The following ALCAM variants were observed in gnomAD, a reference collection of about 807,000 sequenced individuals.
The protein encoded by ALCAM is CD166 antigen.
ALCAM carries 30 observed loss-of-function variants against 70.9 expected under a neutral mutation model. That is an observed-to-expected ratio of 0.42 (90% CI 0.32 to 0.57). The LOEUF (loss-of-function observed/expected upper bound fraction) is 0.57. ALCAM is among the 20% of genes least tolerant of loss of function. ALCAM has a pLI of 0.11. For synonymous variants in ALCAM, 249 were observed against 242.5 expected, an observed-to-expected ratio of 1.03 and a Z score of -0.25; for missense variants, 591 against 695.1, an observed-to-expected ratio of 0.85 and a Z score of 1.68.
intron 3 of ALCAM, among the ~76,000 whole-genome samples, chr3:105,527,026 A>G: frequency 6.6e-6 from 1 of 152,172 alleles, no homozygotes; most frequent in East Asian, 1.9e-4. Context: ...TCTTTAATGC[A>G]GGTTTGCTTG....
chr3:105,417,989 G>A (rs1321456883), intron 1 of ALCAM, among the ~76,000 whole-genome samples: 2 of 151,494 alleles, frequency 1.3e-5, no homozygotes, highest in Admixed American at 1.3e-4. Flanking sequence ...TGATCTAAAG[G>A]TAAAAGTATC....
At chr3:105,458,266 A>C (rs1937560429) in intron 1 of ALCAM, among the ~76,000 whole-genome samples, 1 of 152,210 alleles carries the variant, frequency 6.6e-6, no homozygotes, top group Non-Finnish European at 1.5e-5. Context: ...ATGAATTTGA[A>C]GTTACTTTAA....
At chr3:105,541,996 C>T (rs1559827959) in intron 8 of ALCAM, among the ~76,000 whole-genome samples, 1 of 151,878 alleles carries the variant, frequency 6.6e-6, no homozygotes, top group Non-Finnish European at 1.5e-5. Context: ...GGTACATCTC[C>T]ATCTTCTTTC....
chr3:105,525,166 C>T (rs1452776677), intron 3 of ALCAM: 8 of 983,626 alleles, frequency 8.1e-6, no homozygotes, highest in East Asian at 2.3e-4. Flanking sequence ...ATTAAAAAAA[C>T]TCACTATACC....
chr3:105,408,104 A>T (rs999130668), intron 1 of ALCAM, among the ~76,000 whole-genome samples: 5 of 152,200 alleles, frequency 3.3e-5, no homozygotes, highest in Non-Finnish European at 7.3e-5. Flanking sequence ...ATGGTTGGGT[A>T]GAAACAATAT....
chr3:105,433,189 C>A (rs770727098), intron 1 of ALCAM, among the ~76,000 whole-genome samples: 66 of 152,088 alleles, frequency 4.3e-4, no homozygotes, highest in Non-Finnish European at 7.8e-4. Flanking sequence ...TTGCCAGATG[C>A]TTTTCACCAT....
chr3:105,555,530 C>T (rs145962918), intron 14 of ALCAM, among the ~76,000 whole-genome samples: 137 of 152,064 alleles, frequency 9.0e-4, no homozygotes, highest in East Asian at 2.7e-3. Context: ...GAATGTCTAA[C>T]GCCATTTTTG....
At chr3:105,568,839 A>C (rs1178474781) in intron 14 of ALCAM, among the ~76,000 whole-genome samples, 1 of 152,166 alleles carries the variant, frequency 6.6e-6, no homozygotes, top group Non-Finnish European at 1.5e-5. Context: ...GAGGGTTTAT[A>C]ATTGTTATAA....
chr3:105,421,220 A>C (rs1020377675), intron 1 of ALCAM, among the ~76,000 whole-genome samples: 1 of 151,512 alleles, frequency 6.6e-6, no homozygotes, highest in East Asian at 1.9e-4. Flanking sequence ...TTCCATTTAC[A>C]CAGTTAATAA....
intron 1 of ALCAM, among the ~76,000 whole-genome samples, chr3:105,375,766 A>G (rs1935359336): frequency 1.3e-5 from 2 of 152,272 alleles, no homozygotes; most frequent in African/African-American, 4.8e-5. Flanking sequence ...TCTTAAAAAA[A>G]CCAGGGATGT....
chr3:105,400,942 G>A (rs1011556079), intron 1 of ALCAM, among the ~76,000 whole-genome samples: 1 of 152,180 alleles, frequency 6.6e-6, no homozygotes, highest in Non-Finnish European at 1.5e-5. Flanking sequence ...TTTTAAAAAT[G>A]TGTATTAAAG....
chr3:105,533,517 ACT>A, intron 4 of ALCAM, 84 bp from the exon 5 acceptor site: 1 of 1,112,758 alleles, frequency 9.0e-7, no homozygotes, highest in South Asian at 1.3e-5. Context: ...CCTTGGAATA[ACT>A]CTGCATTGCC....
chr3:105,490,913 C>G (rs1369534840), intron 1 of ALCAM, among the ~76,000 whole-genome samples: 1 of 152,200 alleles, frequency 6.6e-6, no homozygotes. Context: ...CCTCTTCTCA[C>G]AGTGCCCCAA....
intron 1 of ALCAM, among the ~76,000 whole-genome samples, chr3:105,399,917 G>C (rs545338294): frequency 8.6e-5 from 13 of 152,002 alleles, no homozygotes; most frequent in African/African-American, 3.1e-4. Context: ...ACATCCCTTC[G>C]TATAAAAACT....
chr3:105,374,403 T>A (rs1161786525), intron 1 of ALCAM, among the ~76,000 whole-genome samples: 1 of 152,126 alleles, frequency 6.6e-6, no homozygotes, highest in Non-Finnish European at 1.5e-5. Flanking sequence ...TTTCTTTTTT[T>A]CTTAAAAAAG....
At chr3:105,545,362 G>A (rs374138635) in intron 9 of ALCAM, 27 bp downstream of exon 9, 2 of 1,525,968 alleles carry the variant, frequency 1.3e-6, no homozygotes, top group African/African-American at 1.4e-5. Flanking sequence ...GTACTACCCT[G>A]CTGTTTGGTT....
intron 4 of ALCAM, among the ~76,000 whole-genome samples, chr3:105,532,856 G>T (rs1939874000): frequency 2.0e-5 from 3 of 152,104 alleles, no homozygotes; most frequent in Admixed American, 2.0e-4. Flanking sequence ...AGGGAGTTTG[G>T]ACTTTATTCT....
chr3:105,414,879 A>T (rs1050195615), intron 1 of ALCAM, among the ~76,000 whole-genome samples: 9 of 152,240 alleles, frequency 5.9e-5, no homozygotes, highest in Non-Finnish European at 8.8e-5. Context: ...GATAACCCTG[A>T]TGCCATTGTT....
chr3:105,488,280 T>C (rs1013413363), intron 1 of ALCAM, among the ~76,000 whole-genome samples: 18 of 152,206 alleles, frequency 1.2e-4, no homozygotes, highest in Admixed American at 9.8e-4. Flanking sequence ...AAACCTCTTT[T>C]CTTTATAAAT....
Sources: gnomAD v4.1 joint callset for allele counts (sites outside exome capture counted in the v4.1 genomes callset) on GRCh38, gnomAD v4.1.1 for gene constraint, MANE v1.5 for transcripts, NCBI Gene and HGNC (gene_info 2026-07-23, HGNC 2026-07-21) for gene names.